Variants in PIEZO2 observed in about 807,000 individuals in gnomAD.
PIEZO2 encodes the protein piezo-type mechanosensitive ion channel component 2.
In PIEZO2, 172 loss-of-function variants were observed where a neutral mutation model predicts 337.3. That is an observed-to-expected ratio of 0.51 (90% confidence interval 0.45 to 0.58). The LOEUF is 0.58. Among genes scored for constraint, PIEZO2 ranks in the 20% least tolerant of loss-of-function variants. The pLI, the probability that PIEZO2 is intolerant of heterozygous loss-of-function variation, is 0.00. For synonymous variants in PIEZO2, 1,251 were observed against 1,228.5 expected, an observed-to-expected ratio of 1.02 and a Z score of -0.38; for missense variants, 3,028 against 3,391.3, an observed-to-expected ratio of 0.89 and a Z score of 2.66.
intron 35 of PIEZO2, among the ~76,000 whole-genome samples, chr18:10,733,392 G>T (rs913207835): frequency 6.6e-6 from 1 of 151,196 alleles, no homozygotes; most frequent in Admixed American, 6.6e-5. Flanking sequence ...AGAGGAGGGG[G>T]AAACGTCCCA....
chr18:10,955,094 A>G (rs1383966810), intron 3 of PIEZO2, among the ~76,000 whole-genome samples: 1 of 152,142 alleles, frequency 6.6e-6, no homozygotes, highest in Non-Finnish European at 1.5e-5. Context: ...AAGCCGAGAG[A>G]GATGTGGGGG....
At chr18:10,790,454 G>A (rs1040648279) in intron 14 of PIEZO2, among the ~76,000 whole-genome samples, 1 of 152,082 alleles carries the variant, frequency 6.6e-6, no homozygotes, top group African/African-American at 2.4e-5. Context: ...AGGGAATTAG[G>A]GAGCAAGCTG....
intron 2 of PIEZO2, among the ~76,000 whole-genome samples, chr18:10,999,108 A>G (rs1421333539): frequency 6.6e-6 from 1 of 152,036 alleles, no homozygotes. Flanking sequence ...TTTTCCACTT[A>G]AGAAACAATC....
intron 47 of PIEZO2, 91 bp downstream of exon 47, chr18:10,695,980 CCAG>C (rs1484694759): frequency 8.0e-7 from 1 of 1,245,028 alleles, no homozygotes; most frequent in East Asian, 2.3e-5. Context: ...CTGCCTGTGG[CCAG>C]CAGTTCTGCT....
At position 10,726,768 on chromosome 18, in the gene PIEZO2, G is replaced by T; in HGVS notation, c.5029+4639C>A. ...TCGATTTCCCGCTGCTGACCTCACT[G>T]GGCAAGGTGTCCTATGAGGATGTGG... On this transcript the variant is annotated intron_variant, in intron 36 of 55. Coordinates refer to ENST00000674853, the MANE Select transcript of PIEZO2 (RefSeq NM_001378183.1). This position sits in a 1 kb window ranked among gnomAD's most constrained non-coding sequence, Gnocchi z 5.9. 2.6e-6 allele frequency: 4 copies of T among 1,525,738 alleles called. No homozygotes were observed. The highest frequency in any genetic ancestry group is 2.3e-5 in the South Asian group (2 of 88,400). The allele number at this position is 1,525,738 out of a possible 1,614,324, so 94.5% of individuals were successfully genotyped here. A position where few individuals can be genotyped will look rare whatever the true frequency, so the allele number is the denominator to read the frequency against.
chr18:10,787,308 A>G, intron 15 of PIEZO2, 124 bp from the exon 16 acceptor site: 1 of 1,012,366 alleles, frequency 9.9e-7, no homozygotes, highest in South Asian at 1.8e-5. Context: ...AATAAAGTCT[A>G]TTTCATTTCT....
chr18:10,852,824 T>C (rs1376128964), intron 7 of PIEZO2, among the ~76,000 whole-genome samples: 2 of 152,122 alleles, frequency 1.3e-5, no homozygotes, highest in Admixed American at 1.3e-4. Flanking sequence ...TGGTCAGGCA[T>C]GAGTGGGGCA....
At chr18:11,120,631 G>T (rs186444869) in intron 1 of PIEZO2, among the ~76,000 whole-genome samples, 12 of 152,192 alleles carry the variant, frequency 7.9e-5, no homozygotes, top group Middle Eastern at 3.4e-3. Flanking sequence ...ACCTTAAAAA[G>T]AAGAAAATTT....
At chr18:10,916,502 T>C (rs1335479693) in intron 3 of PIEZO2, among the ~76,000 whole-genome samples, 1 of 151,968 alleles carries the variant, frequency 6.6e-6, no homozygotes, top group Non-Finnish European at 1.5e-5. Flanking sequence ...GGGACCCAGT[T>C]CCCCCTCCAC....
At position 11,125,004 on chromosome 18, in the gene PIEZO2, G is replaced by T. The variant is rs563508172; in HGVS notation, c.64+23521C>A. ...CCAGGTGTAGATCTACCACCTTCTT[G>T]ATATTTAACCACAAAATAAAAGTTA... On this transcript the variant is annotated intron_variant, in intron 1 of 55. Coordinates refer to ENST00000674853, the MANE Select transcript of PIEZO2 (RefSeq NM_001378183.1). This position sits in a 1 kb window ranked among gnomAD's most constrained non-coding sequence, Gnocchi z 4.4. 2.8e-5 allele frequency among the ~76,000 whole-genome samples: 4 copies of T among 145,010 alleles called. No individual in the cohort carries two copies. Among genetic ancestry groups the T allele is most frequent in the Middle Eastern group, 3.6e-3 (1 of 276 alleles).
In PIEZO2 at chr18:10,969,169, C is replaced by T. The variant is rs1450853794; in HGVS notation, c.286+10366G>A. ...TAAATTTGGAAACATACAGTTATAG[C>T]TTTACATTGTTCGTCTATAATTTTG... On this transcript the variant is annotated intron_variant, in intron 3 of 55. Coordinates refer to ENST00000674853, the MANE Select transcript of PIEZO2 (RefSeq NM_001378183.1). This position sits in a 1 kb window ranked among gnomAD's most constrained non-coding sequence, Gnocchi z 4.5. 6.6e-6 allele frequency among the ~76,000 whole-genome samples: 1 copy of T among 152,170 alleles called. No homozygotes were observed. Among genetic ancestry groups the T allele is most frequent in the Admixed American group, 6.5e-5 (1 of 15,278 alleles).
intron 47 of PIEZO2, among the ~76,000 whole-genome samples, chr18:10,693,402 CTT>C (rs1343660515): frequency 7.2e-6 from 1 of 139,336 alleles, no homozygotes; most frequent in Non-Finnish European, 1.5e-5. Flanking sequence ...GAGTCTCACT[CTT>C]TGTCACCCAG....
chr18:11,026,395 G>A (rs1194128769), intron 2 of PIEZO2, among the ~76,000 whole-genome samples: 3 of 152,198 alleles, frequency 2.0e-5, no homozygotes, highest in South Asian at 2.1e-4. Flanking sequence ...AAAGTTAGCC[G>A]TCTGCACCCT....
chr18:10,751,432 C>T (rs1355685687), intron 28 of PIEZO2, among the ~76,000 whole-genome samples: 1 of 152,210 alleles, frequency 6.6e-6, no homozygotes, highest in Non-Finnish European at 1.5e-5. Flanking sequence ...ACTCTCAATG[C>T]TACTCCAAAT....
intron 47 of PIEZO2, among the ~76,000 whole-genome samples, chr18:10,693,520 A>G (rs949520613): frequency 6.9e-6 from 1 of 145,592 alleles, no homozygotes; most frequent in Admixed American, 7.0e-5. Context: ...TAGGCGCGCG[A>G]CACCACATAA....
chr18:10,791,533 G>T lies in PIEZO2; in HGVS notation c.1759-209C>A, dbSNP rs372603704. 80 of 415,216 alleles carry T rather than the reference G, an allele frequency of 1.9e-4. 1 individual carries two copies. The highest frequency in any genetic ancestry group is 3.0e-4 in the Non-Finnish European group (75 of 249,234). 25.7% of individuals were successfully genotyped at this position (415,216 alleles called of 1,614,324 possible). On this transcript the variant is annotated intron_variant, in intron 13 of 55. Coordinates refer to ENST00000674853, the MANE Select transcript of PIEZO2 (RefSeq NM_001378183.1). ...GAGGATGCTCCCATGTTTGTGTTGG[G>T]TGCCAGAAGCACCACGCAAGTCCTG...
chr18:11,000,475 C>A (rs2035489985), intron 2 of PIEZO2, among the ~76,000 whole-genome samples: 1 of 152,214 alleles, frequency 6.6e-6, no homozygotes, highest in Non-Finnish European at 1.5e-5. Flanking sequence ...GAGAGGAAGA[C>A]AGTGCTGCAG....
intron 1 of PIEZO2, among the ~76,000 whole-genome samples, chr18:11,072,780 G>A (rs928168047): frequency 1.4e-4 from 22 of 152,178 alleles, no homozygotes; most frequent in Non-Finnish European, 5.9e-5. Flanking sequence ...CCTCACCGCC[G>A]TACCACATCC....
chr18:11,065,432 T>G (rs1291768957), intron 2 of PIEZO2, among the ~76,000 whole-genome samples: 4 of 152,252 alleles, frequency 2.6e-5, no homozygotes, highest in African/African-American at 9.6e-5. Context: ...GGTTTAATTT[T>G]AATACTTGTG....
Sources: gnomAD v4.1 joint callset for allele counts (sites outside exome capture counted in the v4.1 genomes callset) on GRCh38, gnomAD v4.1.1 for gene constraint, Gnocchi (gnomAD v3.1) non-coding constraint, MANE v1.5 for transcripts, NCBI Gene and HGNC (gene_info 2026-07-23, HGNC 2026-07-21) for gene names.